The following ARL6IP5 variants were observed in gnomAD, a reference collection of about 807,000 sequenced individuals.
ARL6IP5 encodes the protein PRA1 family protein 3.
Under a neutral mutation model 13.0 loss-of-function variants are expected in ARL6IP5, and 6 were observed. The ratio of observed to expected loss-of-function variants is 0.46; its 90% CI spans 0.25 to 0.91. The LOEUF (loss-of-function observed/expected upper bound fraction) is 0.91, where lower values mean the gene tolerates loss of function less well. ARL6IP5 is among the 40% of genes least tolerant of loss of function. ARL6IP5 has a pLI of 0.17. For synonymous variants in ARL6IP5, 91 were observed against 91.9 expected (o/e 0.99, Z 0.06); for missense variants, 208 against 248.8 (o/e 0.84, Z 1.10).
rs746404732 is a variant in ARL6IP5, at chr3:69,104,535, G to T, written c.466G>T (p.Gly156Cys). The T allele has an allele frequency of 1.6e-5, 26 of 1,614,062 alleles. No homozygotes were observed. The highest frequency in any genetic ancestry group is 2.1e-5 in the Non-Finnish European group (25 of 1,179,952). The change falls in exon 3 of 3, where the codon GGT becomes TGT. Residue 156 changes from glycine to cysteine, a missense_variant. Coordinates refer to ENST00000273258, the MANE Select transcript of ARL6IP5 (RefSeq NM_006407.4). ...NKLENKMEGI[G>C]LKRTPMGIVL... is the part of the protein sequence containing the mutation. ...ACTGGAGAATAAAATGGAAGGAATA[G>T]GTTTGAAGAGGACACCGATGGGCAT... is the stretch of plus-strand genomic sequence containing the variant.
chr3:69,097,944 G>A (rs1053569045), intron 1 of ARL6IP5, among the ~76,000 whole-genome samples: 4 of 152,188 alleles, frequency 2.6e-5, no homozygotes, highest in African/African-American at 9.6e-5. Flanking sequence ...AAGTAGAGAT[G>A]GACTTTTGTG....
At chr3:69,087,465 C>T (rs2092252097) in intron 1 of ARL6IP5, among the ~76,000 whole-genome samples, 1 of 150,736 alleles carries the variant, frequency 6.6e-6, no homozygotes, top group African/African-American at 2.4e-5. Context: ...CAAAGTTTGA[C>T]ACAGACCAAT....
chr3:69,104,781 A>G lies in ARL6IP5; in HGVS notation c.*145A>G. The G allele has an allele frequency of 2.2e-6, 2 of 897,266 alleles. No homozygotes were observed. The highest frequency in any genetic ancestry group is 3.6e-6 in the Non-Finnish European group (2 of 562,578). 55.6% of individuals were successfully genotyped at this position (897,266 alleles called of 1,614,324 possible). A position where few individuals can be genotyped will look rare whatever the true frequency, so the allele number is the denominator to read the frequency against. On this transcript the variant is annotated 3_prime_UTR_variant, in exon 3 of 3. Coordinates refer to ENST00000273258, the MANE Select transcript of ARL6IP5 (RefSeq NM_006407.4). ...GCAGCATGCATGTATAGGCCGAACT[A>G]TTATCAGCTCTGATGTTTCAGAGAG...
chr3:69,098,437 G>A (rs535338276), intron 1 of ARL6IP5, among the ~76,000 whole-genome samples: 1 of 151,956 alleles, frequency 6.6e-6, no homozygotes, highest in Non-Finnish European at 1.5e-5. Context: ...TAGAGACAGG[G>A]TTTTACCATG....
At chr3:69,094,700 G>GGAGTCA (rs2092281409) in intron 1 of ARL6IP5, among the ~76,000 whole-genome samples, 3 of 152,200 alleles carry the variant, frequency 2.0e-5, no homozygotes, top group Non-Finnish European at 4.4e-5. Flanking sequence ...TGGCCTTGCA[G>GGAGTCA]CCTGACAGGA....
chr3:69,093,208 A>G (rs557622919), intron 1 of ARL6IP5, among the ~76,000 whole-genome samples: 7 of 152,314 alleles, frequency 4.6e-5, no homozygotes, highest in East Asian at 1.9e-4. Context: ...TAACATGCCA[A>G]CTGTTAAAAA....
intron 1 of ARL6IP5, among the ~76,000 whole-genome samples, chr3:69,092,555 C>G (rs932260961): frequency 1.3e-5 from 2 of 152,240 alleles, no homozygotes; most frequent in Admixed American, 1.3e-4. Flanking sequence ...ACTACAACCT[C>G]TGCCTCCCAG....
intron 2 of ARL6IP5, among the ~76,000 whole-genome samples, chr3:69,103,895 G>A (rs922681921): frequency 6.6e-6 from 1 of 152,060 alleles, no homozygotes; most frequent in African/African-American, 2.4e-5. Context: ...GGGAATCTGT[G>A]GTAAAATAAT....
chr3:69,087,052 G>A (rs1479407438), intron 1 of ARL6IP5, among the ~76,000 whole-genome samples: 1 of 151,824 alleles, frequency 6.6e-6, no homozygotes, highest in Non-Finnish European at 1.5e-5. Flanking sequence ...ACAAGGTCTT[G>A]TTCTGTTGCC....
intron 1 of ARL6IP5, among the ~76,000 whole-genome samples, chr3:69,090,473 A>G (rs530925600): frequency 5.9e-5 from 9 of 152,362 alleles, no homozygotes; most frequent in African/African-American, 2.2e-4. Flanking sequence ...GTATACAAGT[A>G]TAGCAAGTGT....
chr3:69,101,830 A>G lies in ARL6IP5; in HGVS notation c.177-9A>G. On this transcript the variant is annotated splice_polypyrimidine_tract_variant and intron_variant, in intron 1 of 2. Transcript: ENST00000273258. ...AGTCACCCCTCATTTTTTCTTCCTC[A>G]TATTTCAGGTTTCTGAGTCCCTTCA... 6.2e-7 allele frequency: 1 copy of G among 1,608,782 alleles called. No homozygotes were observed. The highest frequency in any genetic ancestry group is 8.5e-7 in the Non-Finnish European group (1 of 1,176,906).
intron 1 of ARL6IP5, chr3:69,089,902 G>C: frequency 2.2e-6 from 1 of 455,252 alleles, no homozygotes; most frequent in Non-Finnish European, 4.4e-6. Context: ...GGCCTATGGA[G>C]ATGTTGCAGG....
At chr3:69,091,555 C>T (rs547816987) in intron 1 of ARL6IP5, among the ~76,000 whole-genome samples, 4 of 151,958 alleles carry the variant, frequency 2.6e-5, no homozygotes, top group Admixed American at 6.6e-5. Flanking sequence ...CCTTGGTCTC[C>T]GAAAGTGCTG....
rs1385121358 is a variant in ARL6IP5 at position 69,105,025 on chromosome 3, TA to T, written c.*392del. 2 of 622,512 alleles carry T rather than the reference TA, an allele frequency of 3.2e-6. No individual in the cohort carries two copies. The highest frequency in any genetic ancestry group is 5.7e-6 in the Non-Finnish European group (2 of 352,290). 38.6% of individuals were successfully genotyped at this position (622,512 alleles called of 1,614,324 possible). A position where few individuals can be genotyped will look rare whatever the true frequency, so the allele number is the denominator to read the frequency against. On this transcript the variant is annotated 3_prime_UTR_variant, in exon 3 of 3. Transcript: ENST00000273258. Reference sequence around the variant, plus strand: ...CAATACGAGTAAATGAAAAGGCTGTTAAAGTAGATGACATCATGTGTTAGCC... The same window carrying T: ...CAATACGAGTAAATGAAAAGGCTGTTAAGTAGATGACATCATGTGTTAGCC...
At chr3:69,091,756 A>G (rs2092268250) in intron 1 of ARL6IP5, among the ~76,000 whole-genome samples, 1 of 148,226 alleles carries the variant, frequency 6.7e-6, no homozygotes, top group South Asian at 2.1e-4. Flanking sequence ...GATTCTAGGT[A>G]AGTGTGCAAA....
chr3:69,092,089 C>G (rs941600896), intron 1 of ARL6IP5, among the ~76,000 whole-genome samples: 1 of 151,984 alleles, frequency 6.6e-6, no homozygotes, highest in Non-Finnish European at 1.5e-5. Flanking sequence ...TTGAAATGAG[C>G]GTGGCTTCCT....
In ARL6IP5 at chr3:69,085,143, G is replaced by C; in HGVS notation, c.96G>C (p.Trp32Cys). 2 of 1,614,212 alleles carry C rather than the reference G, an allele frequency of 1.2e-6. No homozygotes were observed. The highest frequency in any genetic ancestry group is 1.3e-5 in the African/African-American group (1 of 75,068). ...CGGACTTCAGGGACATTTCCAAATGGAACAACCGCGTAGTGAGCAACCTGC... is the reference window on the plus strand; with the variant it reads ...CGGACTTCAGGGACATTTCCAAATGCAACAACCGCGTAGTGAGCAACCTGC... ...ARPDFRDISK[W>C]NNRVVSNLLY... Residue 32 changes from tryptophan (W) to cysteine (C), a missense_variant, in exon 1 of 3, where the codon TGG becomes TGC. By Grantham distance (215) the Trp-to-Cys change is radical (BLOSUM62 -2). Coordinates refer to ENST00000273258, the MANE Select transcript of ARL6IP5 (RefSeq NM_006407.4).
intron 1 of ARL6IP5, among the ~76,000 whole-genome samples, chr3:69,094,519 C>T (rs563919040): frequency 3.3e-5 from 5 of 152,012 alleles, no homozygotes; most frequent in Non-Finnish European, 7.4e-5. Context: ...AGAAACATCG[C>T]CAATTTAGAG....
In ARL6IP5 at chr3:69,084,953, C is replaced by G; in HGVS notation, c.-95C>G. 1.3e-6 allele frequency: 2 copies of G among 1,486,996 alleles called. No individual in the cohort carries two copies. The highest frequency in any genetic ancestry group is 2.1e-5 in the Admixed American group (1 of 48,574). The allele number at this position is 1,486,996 out of a possible 1,614,324, so 92.1% of individuals were successfully genotyped here. On this transcript the variant is annotated 5_prime_UTR_variant, in exon 1 of 3. Transcript: ENST00000273258. ...CTGCCAACCGCAAAGCCGACCGAGA[C>G]GGAGCCGCTGTCAACTCTCCAACTC... is the stretch of plus-strand genomic sequence containing the variant.
Sources: allele counts gnomAD v4.1 joint callset (sites outside exome capture counted in the v4.1 genomes callset), GRCh38; gene constraint gnomAD v4.1.1; transcripts MANE v1.5; gene names NCBI Gene and HGNC (gene_info 2026-07-23, HGNC 2026-07-21).